GLIS3: variants seen among roughly 807,000 people sequenced by gnomAD.
GLIS3 encodes the protein GLIS family zinc finger 3, also known as zinc finger protein GLIS3.
In GLIS3, 53 loss-of-function variants were observed where a neutral mutation model predicts 78.6. That is an observed-to-expected ratio of 0.67 (90% CI 0.54 to 0.85). The LOEUF (loss-of-function observed/expected upper bound fraction) is 0.85. GLIS3 is among the 40% of genes least tolerant of loss of function. The pLI, the probability that GLIS3 is intolerant of heterozygous loss-of-function variation, is 0.00. For synonymous variants in GLIS3, 684 were observed against 509.9 expected, an observed-to-expected ratio of 1.34 and a Z score of -4.60; for missense variants, 1,703 against 1,231.1, an observed-to-expected ratio of 1.38 and a Z score of -5.74.
At position 3,879,179 on chromosome 9, in the gene GLIS3, T is replaced by G. The variant is rs73384256; in HGVS notation, c.2297+248A>C. ...GTAGAAAGACAGGGAAATTCTGGTG[T>G]GTTTCCAGCATCTGAAACTTTGGCT... On this transcript the variant is annotated intron_variant, in intron 8 of 10. Transcript: ENST00000381971. Among the ~76,000 whole-genome samples, 1,038 of 152,328 alleles carry G rather than the reference T, an allele frequency of 6.8e-3. 13 individuals carry two copies. Among genetic ancestry groups the G allele is most frequent in the African/African-American group, 0.023 (960 of 41,566 alleles).
the GLIS3 span, among the ~76,000 whole-genome samples, chr9:4,455,918 G>C: frequency 1.4e-4 from 22 of 152,164 alleles, no homozygotes; most frequent in East Asian, 2.7e-3. Flanking sequence ...TTCAAGACCA[G>C]CCTGGCCTAC....
intron 2 of GLIS3, among the ~76,000 whole-genome samples, chr9:4,194,605 T>C (rs564542833): frequency 2.6e-5 from 4 of 152,090 alleles, no homozygotes; most frequent in African/African-American, 9.6e-5. Context: ...AGAAAGCAAA[T>C]GGAAGCCCAG....
At chr9:4,086,436 C>G (rs1008264652) in intron 4 of GLIS3, among the ~76,000 whole-genome samples, 4 of 152,212 alleles carry the variant, frequency 2.6e-5, no homozygotes, top group Admixed American at 1.3e-4. Context: ...TCTCAGAGAC[C>G]AGGATCCTAT....
At chr9:4,067,866 ATAGT>A (rs1827239241) in intron 4 of GLIS3, among the ~76,000 whole-genome samples, 1 of 152,172 alleles carries the variant, frequency 6.6e-6, no homozygotes, top group South Asian at 2.1e-4. Context: ...CATAACAATA[ATAGT>A]TAAAAATAGA....
At chr9:4,010,420 C>T (rs913380882) in intron 4 of GLIS3, among the ~76,000 whole-genome samples, 4 of 152,178 alleles carry the variant, frequency 2.6e-5, no homozygotes, top group African/African-American at 9.7e-5. Context: ...GCATTCCTCT[C>T]CCCTTTAGAA....
At chr9:3,851,582 C>T (rs1001647032) in intron 9 of GLIS3, among the ~76,000 whole-genome samples, 4 of 152,148 alleles carry the variant, frequency 2.6e-5, no homozygotes, top group Admixed American at 1.3e-4. Context: ...CAAAGTGTGC[C>T]TTTTACAAAA....
intron 8 of GLIS3, among the ~76,000 whole-genome samples, chr9:3,860,136 G>A (rs768307961): frequency 1.3e-5 from 2 of 151,894 alleles, no homozygotes; most frequent in Non-Finnish European, 2.9e-5. Flanking sequence ...TTAGCCGGGT[G>A]TAGTGGTGGG....
chr9:4,201,168 A>G lies in GLIS3; in HGVS notation c.389-75227T>C, dbSNP rs957899446. On this transcript the variant is annotated intron_variant, in intron 2 of 10. Transcript: ENST00000381971. ...GATAAAAAACCTCAAGAAACTAGGCATCAAAGGAACATACCTCAAAATAAT... is the reference window on the plus strand; with the variant it reads ...GATAAAAAACCTCAAGAAACTAGGCGTCAAAGGAACATACCTCAAAATAAT... Among the ~76,000 whole-genome samples the G allele has an allele frequency of 3.3e-5, 5 of 152,204 alleles. No individual in the cohort carries two copies. In the South Asian group the frequency reaches 6.2e-4, roughly 19 times the overall value.
intron 2 of GLIS3, among the ~76,000 whole-genome samples, chr9:4,273,520 G>A (rs1471687641): frequency 6.6e-6 from 1 of 152,022 alleles, no homozygotes; most frequent in Admixed American, 6.5e-5. Flanking sequence ...TTGAGCCCAG[G>A]AGTTTGAGGC....
intron 7 of GLIS3, among the ~76,000 whole-genome samples, chr9:3,885,110 C>G (rs1821985198): frequency 6.6e-6 from 1 of 152,172 alleles, no homozygotes; most frequent in South Asian, 2.1e-4. Context: ...AAGAAATTAA[C>G]TGAATTATTT....
chr9:4,249,249 C>T (rs1207925304), intron 2 of GLIS3, among the ~76,000 whole-genome samples: 10 of 152,158 alleles, frequency 6.6e-5, no homozygotes, highest in Non-Finnish European at 2.9e-5. Flanking sequence ...TCTTCCTATC[C>T]ATGAACATGG....
At chr9:4,098,053 C>G (rs1830096145) in intron 4 of GLIS3, among the ~76,000 whole-genome samples, 1 of 152,156 alleles carries the variant, frequency 6.6e-6, no homozygotes, top group South Asian at 2.1e-4. Flanking sequence ...CTGAAAGGCA[C>G]ATAGAGTCTT....
At chr9:4,379,180 A>T in the GLIS3 span, among the ~76,000 whole-genome samples, 2,077 of 152,228 alleles carry the variant, frequency 0.014, 48 homozygotes, top group African/African-American at 0.043. Context: ...TACATAAGGC[A>T]GTTCTCCTAT....
chr9:4,253,737 T>C (rs985473852), intron 2 of GLIS3, among the ~76,000 whole-genome samples: 2 of 152,138 alleles, frequency 1.3e-5, no homozygotes, highest in Admixed American at 6.6e-5. Context: ...CCTGGTGGTG[T>C]AGGCATCCAA....
At chr9:4,417,364 CTGTT>C in the GLIS3 span, among the ~76,000 whole-genome samples, 1 of 152,270 alleles carries the variant, frequency 6.6e-6, no homozygotes, top group East Asian at 1.9e-4. Flanking sequence ...AGGACTGTCT[CTGTT>C]TGTATATATG....
chr9:4,456,753 G>C, the GLIS3 span, among the ~76,000 whole-genome samples: 1 of 152,154 alleles, frequency 6.6e-6, no homozygotes, highest in African/African-American at 2.4e-5. Flanking sequence ...TTGTGTTTCA[G>C]GGAATTGGGA....
chr9:3,893,126 A>G (rs560394814), intron 7 of GLIS3, among the ~76,000 whole-genome samples: 10 of 152,282 alleles, frequency 6.6e-5, no homozygotes, highest in African/African-American at 2.4e-4. Flanking sequence ...AGAAATAATA[A>G]TACAAAAATA....
chr9:4,469,286 C>T, the GLIS3 span, among the ~76,000 whole-genome samples: 1 of 152,122 alleles, frequency 6.6e-6, no homozygotes, highest in Admixed American at 6.6e-5. Flanking sequence ...CCAAGCAGAC[C>T]TAATAGACAT....
At chr9:4,005,069 T>C (rs1821434194) in intron 4 of GLIS3, among the ~76,000 whole-genome samples, 1 of 152,192 alleles carries the variant, frequency 6.6e-6, no homozygotes, top group Admixed American at 6.5e-5. Flanking sequence ...TTCTGAACTG[T>C]CATCAAAAAC....
Sources: gnomAD v4.1 joint callset for allele counts (sites outside exome capture counted in the v4.1 genomes callset) on GRCh38, gnomAD v4.1.1 for gene constraint, MANE v1.5 for transcripts, NCBI Gene and HGNC (gene_info 2026-07-23, HGNC 2026-07-21) for gene names.